Variants in IGF1R observed in about 807,000 individuals in gnomAD.
IGF1R encodes the protein insulin like growth factor 1 receptor, also known as insulin-like growth factor 1 receptor.
In IGF1R, 44 loss-of-function variants were observed where a neutral mutation model predicts 144.6. The ratio of observed to expected loss-of-function variants is 0.30; its 90% CI spans 0.24 to 0.39. IGF1R has a LOEUF of 0.39. Ranked by LOEUF, IGF1R falls within the 10% of genes least tolerant of loss-of-function variation. The pLI is 1.00. For missense variants in IGF1R, 1,355 were observed against 1,833.7 expected (o/e 0.74, Z 4.77); for synonymous variants, 795 against 722.8 (o/e 1.10, Z -1.60).
In IGF1R at chr15:98,935,519, C is replaced by A; in HGVS notation, c.3297+93C>A. 1.2e-6 allele frequency: 1 copy of A among 807,436 alleles called. No individual in the cohort carries two copies. Among genetic ancestry groups the A allele is most frequent in the Non-Finnish European group, 2.1e-6 (1 of 466,954 alleles). 50.0% of individuals were successfully genotyped at this position (807,436 alleles called of 1,614,324 possible). A position where few individuals can be genotyped will look rare whatever the true frequency, so the allele number is the denominator to read the frequency against. On this transcript the variant is annotated intron_variant, in intron 17 of 20. Coordinates refer to ENST00000650285, the MANE Select transcript of IGF1R (RefSeq NM_000875.5). This position sits in a 1 kb window ranked among gnomAD's most constrained non-coding sequence, Gnocchi z 4.2. ...GCAAGGAAATGCTGTGTCTTTAAATCAGTTTACTTTCCAGCATCCAGTGTT... is the reference window on the plus strand; with the variant it reads ...GCAAGGAAATGCTGTGTCTTTAAATAAGTTTACTTTCCAGCATCCAGTGTT...
intron 2 of IGF1R, among the ~76,000 whole-genome samples, chr15:98,813,537 C>G (rs1480533190): frequency 6.6e-6 from 1 of 152,202 alleles, no homozygotes; most frequent in African/African-American, 2.4e-5. Context: ...TGCCTCAGGA[C>G]CAACCTTGGT....
chr15:98,700,905 T>C (rs2053714881), intron 1 of IGF1R, among the ~76,000 whole-genome samples: 1 of 151,970 alleles, frequency 6.6e-6, no homozygotes, highest in South Asian at 2.1e-4. Flanking sequence ...GTTCTGTCTA[T>C]TGCGCTATTA....
chr15:98,923,012 G>A (rs765549226), intron 11 of IGF1R, among the ~76,000 whole-genome samples: 3 of 152,188 alleles, frequency 2.0e-5, no homozygotes, highest in African/African-American at 7.2e-5. Flanking sequence ...GAAAGAGCAC[G>A]GAGGTGACCA....
rs112754943 is a variant in IGF1R at position 98,664,405 on chromosome 15, C to T, written c.94+14730C>T. 1.1e-4 allele frequency among the ~76,000 whole-genome samples: 16 copies of T among 152,274 alleles called. 1 individual carries two copies. Among genetic ancestry groups the T allele is most frequent in the African/African-American group, 3.9e-4 (16 of 41,544 alleles). On this transcript the variant is annotated intron_variant, in intron 1 of 20. Transcript: ENST00000650285. ...TCAGGCCGAGTGCGGTGGCTCATGC[C>T]TGTAATCCCAGCACTTTGGGAGGCC... is the stretch of plus-strand genomic sequence containing the variant.
At position 98,747,566 on chromosome 15, in the gene IGF1R, C is replaced by G. The variant is rs535302460; in HGVS notation, c.640+39459C>G. ...TAATTGAATATAGGTTATTTTGCAT[C>G]TTAGATTCCCTCTGACGACTAAATC... is the stretch of plus-strand genomic sequence containing the variant. On this transcript the variant is annotated intron_variant, in intron 2 of 20. Coordinates refer to ENST00000650285, the MANE Select transcript of IGF1R (RefSeq NM_000875.5). Among the ~76,000 whole-genome samples the G allele has an allele frequency of 7.9e-5, 12 of 152,252 alleles. No homozygotes were observed. The East Asian group carries it at 2.3e-3, about 29-fold the overall frequency.
intron 2 of IGF1R, among the ~76,000 whole-genome samples, chr15:98,845,496 T>TCTCCTCCTCCCTCCTC (rs1259766209): frequency 1.1e-5 from 1 of 93,738 alleles, no homozygotes; most frequent in Non-Finnish European, 2.2e-5. Flanking sequence ...CCTCCTTCCT[T>TCTCCTCCTCCCTCCTC]CTCCTCCTCC....
intron 2 of IGF1R, among the ~76,000 whole-genome samples, chr15:98,708,353 A>G (rs913690275): frequency 1.3e-5 from 2 of 152,180 alleles, no homozygotes; most frequent in African/African-American, 2.4e-5. Context: ...GCTGCTGTCA[A>G]GACTGTTCAA....
At chr15:98,856,051 AGAC>A in intron 2 of IGF1R, among the ~76,000 whole-genome samples, 1 of 152,112 alleles carries the variant, frequency 6.6e-6, no homozygotes, top group African/African-American at 2.4e-5. Flanking sequence ...GTTTAGAGGG[AGAC>A]GGGGTGTGCT....
chr15:98,794,863 C>A (rs528637543), intron 2 of IGF1R, among the ~76,000 whole-genome samples: 1 of 152,338 alleles, frequency 6.6e-6, no homozygotes, highest in African/African-American at 2.4e-5. Context: ...CGCCCCTTAA[C>A]CACTGCTGCT....
intron 2 of IGF1R, among the ~76,000 whole-genome samples, chr15:98,754,436 T>C (rs8041224): frequency 0.55 from 84,106 of 152,026 alleles, 23,562 homozygotes; most frequent in East Asian, 0.59. Context: ...AGTTGCTGCT[T>C]TTTAAGTACC....
chr15:98,943,174 T>A, intron 19 of IGF1R, 122 bp downstream of exon 19: 1 of 1,148,146 alleles, frequency 8.7e-7, no homozygotes, highest in East Asian at 2.4e-5. Context: ...TTTAGCTCAG[T>A]GTTGTGTGAG....
chr15:98,930,556 T>G (rs1333383051), intron 15 of IGF1R, among the ~76,000 whole-genome samples: 1 of 152,160 alleles, frequency 6.6e-6, no homozygotes, highest in African/African-American at 2.4e-5. Context: ...TAGAGATGAA[T>G]GTGGCCAGCG....
Position 98,962,879 on chromosome 15 carries a change from G to T in IGF1R, c.*5437G>T. On this transcript the variant is annotated 3_prime_UTR_variant, in exon 21 of 21. Coordinates refer to ENST00000650285, the MANE Select transcript of IGF1R (RefSeq NM_000875.5). ...CAAGAACACAAACTACATCGCACTC[G>T]TCAGTTGTCAGTTCTGGGGCATGAC... The T allele has an allele frequency of 4.3e-6, 1 of 233,678 alleles. No homozygotes were observed. The allele number at this position is 233,678 out of a possible 1,614,324, so 14.5% of individuals were successfully genotyped here.
Position 98,753,183 on chromosome 15 carries a change from G to A in IGF1R, c.640+45076G>A, listed in dbSNP as rs1029500632. Among the ~76,000 whole-genome samples, 9 of 151,262 alleles carry A rather than the reference G, an allele frequency of 5.9e-5. No individual in the cohort carries two copies. The South Asian group carries it at 1.0e-3, about 18-fold the overall frequency. ...TCCTGACCTCGTGATCACCTGCCTC[G>A]GCCTCCCAAAGTGCTGGGATTACAG... On this transcript the variant is annotated intron_variant, in intron 2 of 20. Transcript: ENST00000650285.
intron 2 of IGF1R, among the ~76,000 whole-genome samples, chr15:98,767,577 T>C (rs1436293650): frequency 6.6e-6 from 1 of 152,254 alleles, no homozygotes; most frequent in African/African-American, 2.4e-5. Context: ...CCAGAAAATA[T>C]TTCTTATTGT....
chr15:98,827,644 G>T (rs889119760), intron 2 of IGF1R, among the ~76,000 whole-genome samples: 1 of 152,160 alleles, frequency 6.6e-6, no homozygotes, highest in Non-Finnish European at 1.5e-5. Flanking sequence ...GTGCAGTGGC[G>T]CAATCTCAGC....
At chr15:98,659,023 C>G (rs1057289351) in intron 1 of IGF1R, among the ~76,000 whole-genome samples, 4 of 152,198 alleles carry the variant, frequency 2.6e-5, no homozygotes, top group Admixed American at 6.5e-5. Context: ...GTATTAAGCC[C>G]TTGGACTTCA....
chr15:98,766,380 T>G (rs953325743), intron 2 of IGF1R, among the ~76,000 whole-genome samples: 1 of 152,192 alleles, frequency 6.6e-6, no homozygotes, highest in Non-Finnish European at 1.5e-5. Context: ...CTTTCACTTT[T>G]CCTCCATTTT....
At chr15:98,722,563 G>A (rs565806282) in intron 2 of IGF1R, among the ~76,000 whole-genome samples, 3 of 152,174 alleles carry the variant, frequency 2.0e-5, no homozygotes, top group African/African-American at 4.8e-5. Context: ...CCTCAAGCCG[G>A]TTTGGCTTAG....
Sources: gnomAD v4.1 joint callset for allele counts (sites outside exome capture counted in the v4.1 genomes callset) on GRCh38, gnomAD v4.1.1 for gene constraint, Gnocchi (gnomAD v3.1) non-coding constraint, MANE v1.5 for transcripts, NCBI Gene and HGNC (gene_info 2026-07-23, HGNC 2026-07-21) for gene names.